SKIC3: variants seen among roughly 807,000 people sequenced by gnomAD.
SKIC3 encodes SKI3 subunit of superkiller complex.
the SKIC3 span, chr5:95,523,162 T>C: frequency 1.4e-5 from 23 of 1,612,436 alleles, no homozygotes; most frequent in African/African-American, 5.3e-5. Flanking sequence ...GGAACCGTTA[T>C]GCTTGTCTAA....
the SKIC3 span, chr5:95,498,329 C>G: frequency 6.4e-7 from 1 of 1,569,242 alleles, no homozygotes; most frequent in Non-Finnish European, 8.8e-7. Context: ...GCAACCATAT[C>G]AAGTATAATT....
At chr5:95,497,173 T>C in the SKIC3 span, among the ~76,000 whole-genome samples, 1 of 152,204 alleles carries the variant, frequency 6.6e-6, no homozygotes, top group Admixed American at 6.5e-5. Context: ...TCATACTTCT[T>C]TGTAGCTCCC....
chr5:95,499,505 T>G, the SKIC3 span, among the ~76,000 whole-genome samples: 1 of 152,172 alleles, frequency 6.6e-6, no homozygotes, highest in Admixed American at 6.5e-5. Context: ...AATTACCCAG[T>G]CTCAGGTATT....
the SKIC3 span, among the ~76,000 whole-genome samples, chr5:95,471,517 A>T: frequency 3.0e-4 from 46 of 151,092 alleles, no homozygotes; most frequent in South Asian, 8.0e-3. Flanking sequence ...TCATCCACAA[A>T]TACAGTCTCA....
At chr5:95,503,077 T>A in the SKIC3 span, 2 of 1,578,446 alleles carry the variant, frequency 1.3e-6, no homozygotes, top group Non-Finnish European at 8.6e-7. Flanking sequence ...GATTTTTCCT[T>A]TCCAAATTTT....
chr5:95,482,598 T>C, the SKIC3 span: 1 of 1,614,022 alleles, frequency 6.2e-7, no homozygotes, highest in Non-Finnish European at 8.5e-7. Context: ...AAAAGTAAGA[T>C]AACGGCTGGC....
At chr5:95,546,128 T>C in the SKIC3 span, among the ~76,000 whole-genome samples, 3 of 152,106 alleles carry the variant, frequency 2.0e-5, no homozygotes, top group Non-Finnish European at 4.4e-5. Flanking sequence ...TTGTCATGTC[T>C]TTCCTTTGCA....
chr5:95,551,126 T>G, the SKIC3 span, among the ~76,000 whole-genome samples: 1 of 152,250 alleles, frequency 6.6e-6, no homozygotes, highest in Non-Finnish European at 1.5e-5. Context: ...TACAATTATA[T>G]TAGTTTGTAA....
At chr5:95,466,374 A>G in the SKIC3 span, among the ~76,000 whole-genome samples, 1 of 152,176 alleles carries the variant, frequency 6.6e-6, no homozygotes, top group African/African-American at 2.4e-5. Flanking sequence ...CTATCTGCCT[A>G]TTTGCCTCCA....
At chr5:95,498,340 A>G in the SKIC3 span, 1 of 1,586,204 alleles carries the variant, frequency 6.3e-7, no homozygotes, top group Non-Finnish European at 8.7e-7. Flanking sequence ...AAGTATAATT[A>G]GGTTCCAGGT....
the SKIC3 span, chr5:95,494,556 A>C: frequency 1.0e-6 from 1 of 957,162 alleles, no homozygotes; most frequent in Non-Finnish European, 1.6e-6. Context: ...TAAATTACAC[A>C]CATTTTTGTC....
At chr5:95,510,068 G>A in the SKIC3 span, among the ~76,000 whole-genome samples, 4 of 152,050 alleles carry the variant, frequency 2.6e-5, no homozygotes, top group Non-Finnish European at 2.9e-5. Context: ...TGGCGGTTCT[G>A]TTCCAACATG....
chr5:95,500,226 G>C, the SKIC3 span, among the ~76,000 whole-genome samples: 1 of 152,158 alleles, frequency 6.6e-6, no homozygotes, highest in Non-Finnish European at 1.5e-5. Context: ...AGTTAGAACT[G>C]AGTATTCTCC....
the SKIC3 span, among the ~76,000 whole-genome samples, chr5:95,469,619 A>C: frequency 6.6e-6 from 1 of 152,210 alleles, no homozygotes. Context: ...GGATTTCTGG[A>C]ACCAGTTCTT....
At chr5:95,467,840 C>G in the SKIC3 span, 1 of 1,612,936 alleles carries the variant, frequency 6.2e-7, no homozygotes, top group Non-Finnish European at 8.5e-7. Flanking sequence ...ATGCCTCAAA[C>G]ATTTTAAATA....
chr5:95,485,777 C>A, the SKIC3 span, among the ~76,000 whole-genome samples: 1 of 152,078 alleles, frequency 6.6e-6, no homozygotes, highest in Admixed American at 6.6e-5. Context: ...TCGGTGCTCG[C>A]CTCGTCCATG....
chr5:95,467,828 C>A, the SKIC3 span: 3 of 1,611,594 alleles, frequency 1.9e-6, no homozygotes, highest in Non-Finnish European at 2.5e-6. Context: ...TAAATAAAAT[C>A]AATGCCTCAA....
At chr5:95,528,911 GT>G in the SKIC3 span, 1 of 1,116,830 alleles carries the variant, frequency 9.0e-7, no homozygotes, top group Non-Finnish European at 1.3e-6. Context: ...TAGCATTTTG[GT>G]TTTTAAAAAT....
the SKIC3 span, among the ~76,000 whole-genome samples, chr5:95,545,173 C>T: frequency 2.6e-5 from 4 of 152,094 alleles, no homozygotes; most frequent in African/African-American, 7.2e-5. Context: ...ATAACTGAAA[C>T]GTGCATCAAT....
Sources: allele counts gnomAD v4.1 joint callset (sites outside exome capture counted in the v4.1 genomes callset), GRCh38; gene constraint gnomAD v4.1.1; transcripts MANE v1.5; gene names NCBI Gene and HGNC (gene_info 2026-07-23, HGNC 2026-07-21).